DYNC2H1: variants seen among roughly 807,000 people sequenced by gnomAD.
The protein encoded by DYNC2H1 is dynein cytoplasmic 2 heavy chain 1.
Under a neutral mutation model 570.0 loss-of-function variants are expected in DYNC2H1, and 410 were observed. That is an observed-to-expected ratio of 0.72 (90% CI 0.66 to 0.78). DYNC2H1 has a LOEUF of 0.78. Ranked by LOEUF, DYNC2H1 falls within the 30% of genes least tolerant of loss-of-function variation. The probability of loss-of-function intolerance (pLI) is 0.00; values close to 1 mark genes in which losing one functional copy is unlikely to be tolerated. For missense variants in DYNC2H1, 4,865 were observed against 5,046.4 expected, an observed-to-expected ratio of 0.96 and a Z score of 1.09; for synonymous variants, 1,688 against 1,677.6, an observed-to-expected ratio of 1.01 and a Z score of -0.15.
In DYNC2H1 at chr11:103,399,823, T is replaced by C. The variant is rs369591902; in HGVS notation, c.12317T>C (p.Leu4106Ser). ...ALSKVIRGTT[L>S]LSSEVQKLAS... The stretch of plus-strand genomic sequence containing the variant: ...AGCAAAGTCATCAGAGGAACTACTT[T>C]ACTGAGTTCAGAAGTACAAAAATTG... The change falls in exon 84 of 89, where the codon TTA (leucine) becomes TCA (serine). Residue 4106 changes from leucine (L) to serine (S), a missense_variant. Physicochemically the swap from Leu to Ser is moderately radical, Grantham distance 145. Around this residue, in one of 5 missense-constraint regions of DYNC2H1, gnomAD observed 2,401 missense variants for 2,454.6 expected, o/e 0.98. Transcript: ENST00000375735. 2.6e-5 allele frequency: 42 copies of C among 1,613,848 alleles called. No homozygotes were observed. Among genetic ancestry groups the C allele is most frequent in the Non-Finnish European group, 3.3e-5 (39 of 1,179,870 alleles).
chr11:103,179,645 T>G (rs994491589), intron 39 of DYNC2H1, among the ~76,000 whole-genome samples: 2 of 151,764 alleles, frequency 1.3e-5, no homozygotes, highest in Admixed American at 6.6e-5. Context: ...TAATTTTAGA[T>G]TCACAGAATT....
Position 103,204,279 on chromosome 11 carries a change from A to G in DYNC2H1, c.8311+503A>G, listed in dbSNP as rs930034014. Among the ~76,000 whole-genome samples the G allele has an allele frequency of 1.3e-5, 2 of 152,158 alleles. No homozygotes were observed. ...ACGTGGGGATTATGGGAGCTACAAA[A>G]TGAGATTTGGGTAGGGACACAGAGC... On this transcript the variant is annotated intron_variant, in intron 51 of 88. Transcript: ENST00000375735. This position sits in a 1 kb window ranked among gnomAD's most constrained non-coding sequence, Gnocchi z 4.1.
At chr11:103,330,988 T>C (rs1024315391) in intron 82 of DYNC2H1, among the ~76,000 whole-genome samples, 1 of 152,194 alleles carries the variant, frequency 6.6e-6, no homozygotes, top group African/African-American at 2.4e-5. Flanking sequence ...TTCTACTCTT[T>C]TGACAATAGA....
At position 103,133,708 on chromosome 11, in the gene DYNC2H1, G is replaced by T. The variant is rs867519622; in HGVS notation, c.2106+1G>T. ...ATGGCACACTACATTTTGTGAAAAG[G>T]TATATTTTGTTTATAAAATTGAATA... On this transcript the variant is annotated splice_donor_variant, in intron 14 of 88. Transcript: ENST00000375735. LOFTEE classifies it high-confidence loss of function. This position sits in a 1 kb window ranked among gnomAD's most constrained non-coding sequence, Gnocchi z 4.8. The T allele has an allele frequency of 6.3e-7, 1 of 1,584,738 alleles. No homozygotes were observed.
intron 40 of DYNC2H1, among the ~76,000 whole-genome samples, chr11:103,182,519 G>C: frequency 6.6e-6 from 1 of 151,620 alleles, no homozygotes; most frequent in East Asian, 1.9e-4. Flanking sequence ...CCTTGAGAAG[G>C]GTTTATCTAA....
intron 85 of DYNC2H1, among the ~76,000 whole-genome samples, chr11:103,438,724 TATA>T: frequency 6.6e-6 from 1 of 152,278 alleles, no homozygotes; most frequent in East Asian, 1.9e-4. Flanking sequence ...CAGTCAAAAA[TATA>T]ATAAGCAGCT....
At chr11:103,322,839 C>T (rs986189450) in intron 81 of DYNC2H1, among the ~76,000 whole-genome samples, 4 of 152,128 alleles carry the variant, frequency 2.6e-5, no homozygotes, top group South Asian at 2.1e-4. Flanking sequence ...AATACATGCA[C>T]ACATATATGC....
chr11:103,209,840 A>T lies in DYNC2H1; in HGVS notation c.8455-36A>T. 1 of 1,407,450 alleles carries T rather than the reference A, an allele frequency of 7.1e-7. No individual in the cohort carries two copies. The highest frequency in any genetic ancestry group is 3.3e-5 in the Admixed American group (1 of 30,064). 87.2% of individuals were successfully genotyped at this position (1,407,450 alleles called of 1,614,324 possible). A position where few individuals can be genotyped will look rare whatever the true frequency, so the allele number is the denominator to read the frequency against. On this transcript the variant is annotated intron_variant, in intron 52 of 88. Coordinates refer to ENST00000375735, the MANE Select transcript of DYNC2H1 (RefSeq NM_001377.3). This position sits in a 1 kb window ranked among gnomAD's most constrained non-coding sequence, Gnocchi z 4.2. ...GTTTTTAACTTATGATATGGGACTT[A>T]TACTCTTTCATAGTGATATTCTTTT...
intron 82 of DYNC2H1, among the ~76,000 whole-genome samples, chr11:103,327,917 T>C (rs773326885): frequency 6.6e-6 from 1 of 152,098 alleles, no homozygotes; most frequent in Non-Finnish European, 1.5e-5. Flanking sequence ...GGAACAGGGG[T>C]TTCATGACAA....
In DYNC2H1 at chr11:103,186,760, C is replaced by CAAAAA. The variant is rs200752422; in HGVS notation, c.6893+269_6893+273dup. Among the ~76,000 whole-genome samples the CAAAAA allele has an allele frequency of 1.6e-4, 22 of 136,284 alleles. No homozygotes were observed. The highest frequency in any genetic ancestry group is 5.1e-4 in the African/African-American group (19 of 37,554). The allele number at this position is 136,284 out of a possible 152,430, so 89.4% of individuals were successfully genotyped here. A position where few individuals can be genotyped will look rare whatever the true frequency, so the allele number is the denominator to read the frequency against. ...AAAATTATCCGTCCATATAATACAG[C>CAAAAA]AAAAAAAAAAAAAAGAATGCCTTAT... On this transcript the variant is annotated intron_variant, in intron 42 of 88. Coordinates refer to ENST00000375735, the MANE Select transcript of DYNC2H1 (RefSeq NM_001377.3). This position sits in a 1 kb window ranked among gnomAD's most constrained non-coding sequence, Gnocchi z 4.5.
At chr11:103,231,399 G>T in intron 60 of DYNC2H1, 53 bp downstream of exon 60, 2 of 1,177,678 alleles carry the variant, frequency 1.7e-6, no homozygotes, top group South Asian at 3.2e-5. Context: ...GTTTACATTT[G>T]ACATCTTGAT....
chr11:103,142,309 C>T (rs1859991197), intron 17 of DYNC2H1, among the ~76,000 whole-genome samples: 1 of 152,188 alleles, frequency 6.6e-6, no homozygotes, highest in South Asian at 2.1e-4. Flanking sequence ...GTCGCCCACG[C>T]TGGGAACTGT....
At chr11:103,164,461 T>C (rs1342333429) in intron 30 of DYNC2H1, among the ~76,000 whole-genome samples, 1 of 152,214 alleles carries the variant, frequency 6.6e-6, no homozygotes, top group East Asian at 1.9e-4. Flanking sequence ...CATAATTGGC[T>C]ATTATGTACT....
rs201263333 is a variant in DYNC2H1 at position 103,243,769 on chromosome 11, G to T, written c.9896G>T (p.Arg3299Leu). Residue 3299 changes from arginine (R) to leucine (L), a missense_variant, in exon 64 of 89, where the codon CGT (arginine) becomes CTT (leucine). By Grantham distance (102) the Arg-to-Leu change is moderately radical. Coordinates refer to ENST00000375735, the MANE Select transcript of DYNC2H1 (RefSeq NM_001377.3). The surrounding 1 kb of genome is among the most constrained non-coding windows in gnomAD (Gnocchi z 4.8). ...EWLKTHLKDS[R>L]LEVINQQDSN... ...TTAAAAACACATTTGAAAGACTCAC[G>T]TTTAGAAGTTATCAATCAGCAGGTA... 44 of 1,595,298 alleles carry T rather than the reference G, an allele frequency of 2.8e-5. No homozygotes were observed. In the African/African-American group the frequency reaches 5.8e-4, roughly 21 times the overall value.
intron 69 of DYNC2H1, among the ~76,000 whole-genome samples, chr11:103,258,389 C>A (rs930418465): frequency 6.6e-6 from 1 of 152,162 alleles, no homozygotes; most frequent in African/African-American, 2.4e-5. Context: ...TGTTGAGTAT[C>A]GTATTAATCC....
At chr11:103,165,816 AAAAAGG>A (rs1861282482) in intron 30 of DYNC2H1, 76 bp from the exon 31 acceptor site, 1 of 1,203,386 alleles carries the variant, frequency 8.3e-7, no homozygotes, top group African/African-American at 1.6e-5. Context: ...GGCTATTTGA[AAAAAGG>A]TGCCTTTCTT....
At chr11:103,454,331 C>T (rs1003046340) in intron 85 of DYNC2H1, among the ~76,000 whole-genome samples, 4 of 152,138 alleles carry the variant, frequency 2.6e-5, no homozygotes, top group Non-Finnish European at 5.9e-5. Context: ...TGTGCACCAG[C>T]TGAACTAATA....
chr11:103,336,599 C>T (rs1939145869), intron 82 of DYNC2H1, among the ~76,000 whole-genome samples: 2 of 152,122 alleles, frequency 1.3e-5, no homozygotes, highest in African/African-American at 2.4e-5. Flanking sequence ...AATATAATGC[C>T]TTCTAGTACT....
chr11:103,161,812 C>G (rs949905951), intron 29 of DYNC2H1, among the ~76,000 whole-genome samples: 3 of 152,212 alleles, frequency 2.0e-5, no homozygotes, highest in Admixed American at 6.5e-5. Flanking sequence ...TGATCAAAGG[C>G]CTATTATAGG....
Sources: gnomAD v4.1 joint callset for allele counts (sites outside exome capture counted in the v4.1 genomes callset) on GRCh38, gnomAD v4.1.1 for gene constraint, gnomAD v4.1.1 regional missense constraint, Gnocchi (gnomAD v3.1) non-coding constraint, MANE v1.5 for transcripts, NCBI Gene and HGNC (gene_info 2026-07-23, HGNC 2026-07-21) for gene names.